CSMD1: variants seen among roughly 807,000 people sequenced by gnomAD.
The protein encoded by CSMD1 is CUB and sushi domain-containing protein 1.
A neutral mutation model predicts 417.5 loss-of-function variants in CSMD1; 213 were observed. That is an observed-to-expected ratio of 0.51 (90% CI 0.46 to 0.57). The LOEUF (loss-of-function observed/expected upper bound fraction) is 0.57. Ranked by LOEUF, CSMD1 falls within the 20% of genes least tolerant of loss-of-function variation. The pLI is 0.00. For synonymous variants in CSMD1, 2,862 were observed against 1,736.8 expected (o/e 1.65, Z -16.11); for missense variants, 6,923 against 4,529.7 (o/e 1.53, Z -15.17).
At chr8:3,739,870 G>A (rs755831144) in intron 6 of CSMD1, among the ~76,000 whole-genome samples, 1 of 152,134 alleles carries the variant, frequency 6.6e-6, no homozygotes, top group Non-Finnish European at 1.5e-5. Context: ...CAGGGAAGTT[G>A]AAGAATCTCC....
intron 10 of CSMD1, among the ~76,000 whole-genome samples, chr8:3,553,023 T>A (rs1798985232): frequency 6.6e-6 from 1 of 152,070 alleles, no homozygotes; most frequent in African/African-American, 2.4e-5. Flanking sequence ...TTACTGGTAG[T>A]TTTGCAGAAG....
intron 5 of CSMD1, among the ~76,000 whole-genome samples, chr8:3,785,242 G>T (rs1799393313): frequency 6.6e-6 from 1 of 152,232 alleles, no homozygotes; most frequent in Admixed American, 6.5e-5. Flanking sequence ...TTTGTGAAAT[G>T]CTCAGAAGAG....
intron 30 of CSMD1, among the ~76,000 whole-genome samples, chr8:3,208,228 C>T (rs1045863119): frequency 6.6e-6 from 1 of 152,172 alleles, no homozygotes; most frequent in Non-Finnish European, 1.5e-5. Flanking sequence ...AACGTCATCA[C>T]TGGGCCAAAA....
chr8:4,334,196 C>G (rs996564794), intron 3 of CSMD1, among the ~76,000 whole-genome samples: 3 of 152,060 alleles, frequency 2.0e-5, no homozygotes, highest in Non-Finnish European at 2.9e-5. Flanking sequence ...TGTGAGCCAC[C>G]ATGCCTGGCC....
At chr8:4,193,508 T>G (rs1301715132) in intron 3 of CSMD1, among the ~76,000 whole-genome samples, 1 of 152,096 alleles carries the variant, frequency 6.6e-6, no homozygotes, top group Non-Finnish European at 1.5e-5. Context: ...GCTTCAGTCT[T>G]GCTGATATTA....
At chr8:4,969,190 G>C (rs1259265797) in intron 1 of CSMD1, among the ~76,000 whole-genome samples, 3 of 151,998 alleles carry the variant, frequency 2.0e-5, no homozygotes, top group Non-Finnish European at 4.4e-5. Context: ...GTGTGTGTTG[G>C]TCTCCTGCTC....
intron 2 of CSMD1, among the ~76,000 whole-genome samples, chr8:4,433,119 G>A (rs1585066483): frequency 6.6e-6 from 1 of 152,140 alleles, no homozygotes; most frequent in East Asian, 1.9e-4. Context: ...CTCCAGATGG[G>A]ACTGACCAGT....
At chr8:4,097,376 C>A (rs976423118) in intron 3 of CSMD1, among the ~76,000 whole-genome samples, 1 of 152,210 alleles carries the variant, frequency 6.6e-6, no homozygotes, top group Non-Finnish European at 1.5e-5. Context: ...GCTTACCACA[C>A]ACGGGTGTTA....
chr8:4,366,252 TTC>T (rs1295583567), intron 3 of CSMD1, among the ~76,000 whole-genome samples: 2 of 76,960 alleles, frequency 2.6e-5, no homozygotes, highest in African/African-American at 1.1e-4. Context: ...AAAGACGTGA[TTC>T]TTTTTTTTTT....
At chr8:3,166,640 A>G (rs1371672251) in intron 37 of CSMD1, among the ~76,000 whole-genome samples, 1 of 152,208 alleles carries the variant, frequency 6.6e-6, no homozygotes, top group African/African-American at 2.4e-5. Context: ...GATCTCTCAT[A>G]TTGTCAAGCC....
chr8:4,216,161 G>C (rs1458834237), intron 3 of CSMD1, among the ~76,000 whole-genome samples: 1 of 152,132 alleles, frequency 6.6e-6, no homozygotes, highest in Non-Finnish European at 1.5e-5. Flanking sequence ...TCACAGGACA[G>C]GACCAGCCTA....
intron 12 of CSMD1, among the ~76,000 whole-genome samples, chr8:3,453,090 C>G (rs539484103): frequency 7.2e-4 from 109 of 152,134 alleles, no homozygotes; most frequent in Non-Finnish European, 1.4e-3. Flanking sequence ...TCTAGATTTT[C>G]TAGTTCTTTT....
At chr8:4,174,442 T>C (rs1797929392) in intron 3 of CSMD1, among the ~76,000 whole-genome samples, 1 of 151,882 alleles carries the variant, frequency 6.6e-6, no homozygotes. Flanking sequence ...CTCCTGACAA[T>C]GGTTTTTCTA....
At chr8:4,186,711 G>T (rs1365089262) in intron 3 of CSMD1, among the ~76,000 whole-genome samples, 1 of 151,742 alleles carries the variant, frequency 6.6e-6, no homozygotes, top group East Asian at 1.9e-4. Flanking sequence ...TTTCAGCGGC[G>T]TACGGTCGCT....
chr8:3,576,722 T>C (rs539030790), intron 9 of CSMD1, among the ~76,000 whole-genome samples: 2 of 152,326 alleles, frequency 1.3e-5, no homozygotes, highest in East Asian at 1.9e-4. Context: ...ACCCCTCTTA[T>C]ACACTAATAT....
At chr8:3,497,851 G>C (rs748809563) in intron 10 of CSMD1, among the ~76,000 whole-genome samples, 9 of 152,126 alleles carry the variant, frequency 5.9e-5, no homozygotes, top group Non-Finnish European at 1.0e-4. Context: ...TAGTGATATG[G>C]TTTTACTTCT....
At chr8:4,765,442 C>T (rs10866977) in intron 1 of CSMD1, among the ~76,000 whole-genome samples, 13 of 151,970 alleles carry the variant, frequency 8.6e-5, no homozygotes, top group African/African-American at 2.9e-4. Flanking sequence ...TGTTTCAAAG[C>T]GTAATTCAAT....
chr8:3,124,994 G>C (rs551578460), intron 41 of CSMD1, among the ~76,000 whole-genome samples: 1 of 152,146 alleles, frequency 6.6e-6, no homozygotes, highest in Non-Finnish European at 1.5e-5. Context: ...TTGTTAAACT[G>C]AGTACTTAAC....
At chr8:3,605,904 A>G (rs1251649599) in intron 8 of CSMD1, among the ~76,000 whole-genome samples, 1 of 152,202 alleles carries the variant, frequency 6.6e-6, no homozygotes, top group Non-Finnish European at 1.5e-5. Flanking sequence ...TAATGAGGTT[A>G]TGTCCATATA....
Sources: gnomAD v4.1 joint callset for allele counts (sites outside exome capture counted in the v4.1 genomes callset) on GRCh38, gnomAD v4.1.1 for gene constraint, MANE v1.5 for transcripts, NCBI Gene and HGNC (gene_info 2026-07-23, HGNC 2026-07-21) for gene names.